The following SLC44A5 variants were observed in gnomAD, a reference collection of about 807,000 sequenced individuals.
SLC44A5 encodes the protein choline transporter-like protein 5.
SLC44A5 carries 57 observed loss-of-function variants against 101.8 expected under a neutral mutation model. The observed-to-expected ratio is 0.56, with a 90% CI of 0.45 to 0.70. SLC44A5 has a LOEUF of 0.70. SLC44A5 is among the 30% of genes least tolerant of loss of function. The probability of loss-of-function intolerance (pLI) is 0.00; values close to 1 mark genes in which losing one functional copy is unlikely to be tolerated. For missense variants in SLC44A5, 737 were observed against 853.1 expected (o/e 0.86, Z 1.70); for synonymous variants, 281 against 290.9 (o/e 0.97, Z 0.35).
chr1:75,677,234 T>A, the SLC44A5 span, among the ~76,000 whole-genome samples: 2 of 152,182 alleles, frequency 1.3e-5, no homozygotes, highest in Non-Finnish European at 2.9e-5. Flanking sequence ...ATATGTAAAC[T>A]ACTTGAGTAG....
intron 1 of SLC44A5, among the ~76,000 whole-genome samples, chr1:75,592,381 A>G (rs1231228613): frequency 1.3e-5 from 2 of 151,482 alleles, no homozygotes; most frequent in Non-Finnish European, 2.9e-5. Context: ...ACACCAAAAA[A>G]TTGAAAAATA....
At chr1:75,209,710 A>C (rs1464609199) in intron 23 of SLC44A5, among the ~76,000 whole-genome samples, 1 of 152,202 alleles carries the variant, frequency 6.6e-6, no homozygotes, top group Admixed American at 6.5e-5. Context: ...TTTTCTTTGA[A>C]TATATCTCCC....
chr1:75,713,617 A>G, the SLC44A5 span, among the ~76,000 whole-genome samples: 1 of 152,160 alleles, frequency 6.6e-6, no homozygotes, highest in African/African-American at 2.4e-5. Flanking sequence ...CTTTGCAATG[A>G]TGACTTCTGA....
intron 3 of SLC44A5, among the ~76,000 whole-genome samples, chr1:75,386,292 T>C (rs867030279): frequency 3.9e-5 from 6 of 152,148 alleles, no homozygotes; most frequent in Admixed American, 2.0e-4. Flanking sequence ...GATGACATGA[T>C]TGTATATCTA....
At chr1:75,684,949 T>G in the SLC44A5 span, among the ~76,000 whole-genome samples, 1 of 152,326 alleles carries the variant, frequency 6.6e-6, no homozygotes, top group East Asian at 1.9e-4. Context: ...CCGTGAGAGC[T>G]CTGCCCCTGC....
At chr1:75,661,124 T>C in the SLC44A5 span, among the ~76,000 whole-genome samples, 1 of 152,002 alleles carries the variant, frequency 6.6e-6, no homozygotes, top group African/African-American at 2.4e-5. Context: ...AGCTTAGTAC[T>C]TGCATACAAA....
the SLC44A5 span, among the ~76,000 whole-genome samples, chr1:75,678,895 A>C: frequency 3.3e-5 from 5 of 152,180 alleles, no homozygotes; most frequent in Admixed American, 2.6e-4. Flanking sequence ...AACTAGAATA[A>C]TCAATACAGA....
intron 3 of SLC44A5, among the ~76,000 whole-genome samples, chr1:75,390,281 G>C (rs1264176388): frequency 1.3e-5 from 2 of 151,792 alleles, no homozygotes; most frequent in Non-Finnish European, 2.9e-5. Context: ...AAATCAAGGA[G>C]AGGAGACTCC....
Position 75,489,909 on chromosome 1 carries a change from A to G in SLC44A5, c.13+51526T>C, listed in dbSNP as rs139715786. Among the ~76,000 whole-genome samples, 6 of 152,258 alleles carry G rather than the reference A, an allele frequency of 3.9e-5. No homozygotes were observed. In the East Asian group the frequency reaches 1.2e-3, roughly 29 times the overall value. On this transcript the variant is annotated intron_variant, in intron 2 of 23. Coordinates refer to ENST00000370859, the MANE Select transcript of SLC44A5 (RefSeq NM_001130058.2). ...ACTCAGCTTCATTACACACTAACCC[A>G]TATAAAGAGTTAACAAAAAACAAGA...
At chr1:75,356,746 T>C (rs1390270662) in intron 3 of SLC44A5, among the ~76,000 whole-genome samples, 1 of 152,210 alleles carries the variant, frequency 6.6e-6, no homozygotes, top group Non-Finnish European at 1.5e-5. Flanking sequence ...TAATTGTAAG[T>C]GCCGTATTTA....
At chr1:75,403,022 A>G (rs914495698) in intron 2 of SLC44A5, among the ~76,000 whole-genome samples, 2 of 152,178 alleles carry the variant, frequency 1.3e-5, no homozygotes, top group African/African-American at 4.8e-5. Flanking sequence ...AGGGACGTCC[A>G]CCATTACTGA....
chr1:75,425,844 G>T (rs1410615549), intron 2 of SLC44A5, among the ~76,000 whole-genome samples: 1 of 152,190 alleles, frequency 6.6e-6, no homozygotes, highest in African/African-American at 2.4e-5. Context: ...GGCTACTCCA[G>T]GACAGGTTTA....
chr1:75,668,314 C>CTTT, the SLC44A5 span, among the ~76,000 whole-genome samples: 46 of 63,196 alleles, frequency 7.3e-4, no homozygotes, highest in South Asian at 2.3e-3. Context: ...ATCCTAGGAG[C>CTTT]CTTTTTTTTT....
At chr1:75,371,751 A>C (rs551198394) in intron 3 of SLC44A5, among the ~76,000 whole-genome samples, 1 of 152,332 alleles carries the variant, frequency 6.6e-6, no homozygotes, top group Non-Finnish European at 1.5e-5. Flanking sequence ...CACCTATTTA[A>C]AAGTGTGAGA....
At chr1:75,405,516 A>C (rs1662789787) in intron 2 of SLC44A5, among the ~76,000 whole-genome samples, 1 of 152,224 alleles carries the variant, frequency 6.6e-6, no homozygotes, top group South Asian at 2.1e-4. Flanking sequence ...CTCTCAGACC[A>C]CAGTGCAATC....
chr1:75,345,728 A>G (rs1002532238), intron 3 of SLC44A5, among the ~76,000 whole-genome samples: 2 of 152,280 alleles, frequency 1.3e-5, no homozygotes, highest in African/African-American at 4.8e-5. Flanking sequence ...AGCTATGCCT[A>G]GGGAACAAGA....
At chr1:75,362,181 T>C (rs1009713462) in intron 3 of SLC44A5, among the ~76,000 whole-genome samples, 4 of 152,040 alleles carry the variant, frequency 2.6e-5, no homozygotes, top group African/African-American at 7.2e-5. Flanking sequence ...TTTTATTTAT[T>C]TGAGGCTTCT....
chr1:75,374,535 T>A (rs371354340), intron 3 of SLC44A5, among the ~76,000 whole-genome samples: 1 of 152,110 alleles, frequency 6.6e-6, no homozygotes, highest in African/African-American at 2.4e-5. Flanking sequence ...GTAGACAAAC[T>A]TGGTGAGGAA....
chr1:75,616,010 G>A (rs2102198485), upstream of SLC44A5: 4 of 480,880 alleles, frequency 8.3e-6, no homozygotes, highest in Non-Finnish European at 1.1e-5. Flanking sequence ...TGGCATCTGC[G>A]AGCAGCAGCG....
Sources: allele counts gnomAD v4.1 joint callset (sites outside exome capture counted in the v4.1 genomes callset), GRCh38; gene constraint gnomAD v4.1.1; transcripts MANE v1.5; gene names NCBI Gene and HGNC (gene_info 2026-07-23, HGNC 2026-07-21).